The following F8 variants were observed in gnomAD, a reference collection of about 807,000 sequenced individuals.
F8 encodes coagulation factor VIII.
F8 carries 12 observed loss-of-function variants against 140.6 expected under a neutral mutation model. The observed-to-expected ratio is 0.09, with a 90% CI of 0.05 to 0.14. The LOEUF is 0.14. Among genes scored for constraint, F8 ranks in the 10% least tolerant of loss-of-function variants. F8 has a pLI of 1.00. For missense variants in F8, 1,354 were observed against 1,720.7 expected (o/e 0.79, Z 3.77); for synonymous variants, 585 against 614.6 (o/e 0.95, Z 0.71).
At chrX:154,869,483 T>A (rs2072755528) in intron 22 of F8, among the ~76,000 whole-genome samples, 2 of 111,890 alleles carry the variant, frequency 1.8e-5, no homozygotes, top group African/African-American at 6.5e-5. Context: ...TATAAAGATG[T>A]TCTTTGAAAC....
rs1603435924 is a variant in F8 at position 154,981,808 on chromosome X, A to G, written c.787+2879T>C. On this transcript the variant is annotated intron_variant, in intron 6 of 25. Transcript: ENST00000360256. Reference sequence around the variant, plus strand: ...AGTGAGATTTTTTTGGAAATTTATGACAATTTGAAAAAACTGTCAGATGGA... The same window carrying G: ...AGTGAGATTTTTTTGGAAATTTATGGCAATTTGAAAAAACTGTCAGATGGA... Among the ~76,000 whole-genome samples the G allele has an allele frequency of 4.5e-5, 5 of 111,572 alleles. No individual in the cohort carries two copies. In the South Asian group the frequency reaches 1.9e-3, roughly 42 times the overall value.
At chrX:154,847,983 T>C (rs916109512) in intron 25 of F8, among the ~76,000 whole-genome samples, 17 of 113,107 alleles carry the variant, frequency 1.5e-4, no homozygotes, top group Admixed American at 9.3e-5. Context: ...GTCCTTTCTG[T>C]TTGTTAGTTT....
intron 13 of F8, among the ~76,000 whole-genome samples, chrX:154,943,512 T>G (rs1398125223): frequency 9.0e-6 from 1 of 110,996 alleles, no homozygotes; most frequent in Non-Finnish European, 1.9e-5. Flanking sequence ...CTCAAGGAAA[T>G]AAAAGAGGAT....
At chrX:154,901,161 G>A (rs1455576313) in intron 20 of F8, among the ~76,000 whole-genome samples, 1 of 111,848 alleles carries the variant, frequency 8.9e-6, no homozygotes, top group Admixed American at 9.5e-5. Context: ...ATTTAAGGAG[G>A]CAGTGTCATT....
chrX:154,944,630 GA>G (rs1421036538), intron 13 of F8, among the ~76,000 whole-genome samples: 5 of 110,888 alleles, frequency 4.5e-5, no homozygotes, highest in Non-Finnish European at 9.5e-5. Flanking sequence ...CAGGGATCTA[GA>G]ACTAGAAATA....
chrX:154,949,299 T>C (rs1442364562), intron 12 of F8, among the ~76,000 whole-genome samples: 1 of 111,689 alleles, frequency 9.0e-6, no homozygotes, highest in Admixed American at 9.5e-5. Flanking sequence ...CTTCCATCAA[T>C]TGCAGGCGAC....
chrX:154,962,779 T>C (rs140570407), intron 9 of F8, among the ~76,000 whole-genome samples: 1 of 109,970 alleles, frequency 9.1e-6, no homozygotes, highest in Non-Finnish European at 1.9e-5. Context: ...GGTGGGAGGA[T>C]CACTTCAGCC....
At chrX:154,842,588 G>T (rs782737582) in intron 25 of F8, among the ~76,000 whole-genome samples, 4 of 111,778 alleles carry the variant, frequency 3.6e-5, no homozygotes, top group African/African-American at 1.3e-4. Context: ...TGACACATGG[G>T]TTTAAAAGTA....
intron 1 of F8, among the ~76,000 whole-genome samples, chrX:155,018,783 C>A (rs1342532207): frequency 8.9e-6 from 1 of 111,762 alleles, no homozygotes; most frequent in African/African-American, 3.2e-5. Flanking sequence ...ATAGAAGAGC[C>A]TGGAGGGGTG....
In F8 at chrX:154,957,043, C is replaced by T. The variant is rs372867215; in HGVS notation, c.1666G>A (p.Val556Ile). Residue 556 changes from valine to isoleucine, a missense_variant, in exon 11 of 26, where the codon GTT (valine) becomes ATT (isoleucine). Coordinates refer to ENST00000360256, the MANE Select transcript of F8 (RefSeq NM_000132.4). ...RCLTRYYSSFVNMERDLASGL... is the reference protein window; with the variant it reads ...RCLTRYYSSFINMERDLASGL... ...GAAGCTAGATCTCTCTCCATATTAA[C>T]GAAACTAGAGTAATAGCGGGTCAGG... The T allele has an allele frequency of 3.4e-5, 41 of 1,208,528 alleles. No individual in the cohort carries two copies. Among genetic ancestry groups the T allele is most frequent in the African/African-American group, 1.4e-4 (8 of 57,001 alleles).
chrX:154,864,568 G>A (rs911192048), intron 22 of F8, among the ~76,000 whole-genome samples: 2 of 112,108 alleles, frequency 1.8e-5, no homozygotes, highest in African/African-American at 3.2e-5. Context: ...ACAGGAAGAC[G>A]ACTAACAAAA....
At chrX:154,975,111 T>A (rs1385645399) in intron 6 of F8, among the ~76,000 whole-genome samples, 1 of 111,881 alleles carries the variant, frequency 8.9e-6, no homozygotes, top group Non-Finnish European at 1.9e-5. Context: ...TTCATTCATT[T>A]CTTCTAATAA....
chrX:154,975,761 C>T (rs782723745), intron 6 of F8, among the ~76,000 whole-genome samples: 4 of 111,964 alleles, frequency 3.6e-5, no homozygotes, highest in African/African-American at 1.3e-4. Context: ...GTAGTTTTTG[C>T]CCTTACTTTT....
chrX:154,890,532 A>G lies in F8; in HGVS notation c.6429+5545T>C, dbSNP rs782313196. On this transcript the variant is annotated intron_variant, in intron 22 of 25. Transcript: ENST00000360256. ...CTCTTTCAAAACCACGTTTGGGTTT[A>G]AAACTGAGCTGATTCTTTGAAAAAT... 7.1e-5 allele frequency among the ~76,000 whole-genome samples: 8 copies of G among 112,406 alleles called. No individual in the cohort carries two copies. In the South Asian group the frequency reaches 2.9e-3, roughly 41 times the overall value.
intron 12 of F8, 38 bp downstream of exon 12, chrX:154,953,854 A>G: frequency 8.3e-7 from 1 of 1,207,490 alleles, no homozygotes. Context: ...ATTTTTCTTT[A>G]TTCACCACCC....
intron 6 of F8, among the ~76,000 whole-genome samples, chrX:154,978,336 T>C (rs2073498768): frequency 9.0e-6 from 1 of 111,553 alleles, no homozygotes; most frequent in Non-Finnish European, 1.9e-5. Context: ...CTATGATTTT[T>C]TTATTTTGTG....
chrX:154,944,525 T>G (rs2073291147), intron 13 of F8, among the ~76,000 whole-genome samples: 1 of 110,885 alleles, frequency 9.0e-6, no homozygotes, highest in Non-Finnish European at 1.9e-5. Context: ...AAACAACAGG[T>G]GCTGGAGAGG....
In F8 at chrX:154,862,272, C is replaced by T. The variant is rs782280817; in HGVS notation, c.6575-406G>A. ...TGATCTCCTGACCTCGTGATCCACC[C>T]GCCTTGGCCTCACAAAGTGCTGGGA... On this transcript the variant is annotated intron_variant, in intron 23 of 25. Transcript: ENST00000360256. Among the ~76,000 whole-genome samples, 24 of 111,535 alleles carry T rather than the reference C, an allele frequency of 2.2e-4. 1 individual carries two copies. The South Asian group carries it at 4.6e-3, about 21-fold the overall frequency.
chrX:154,909,823 A>G (rs1557276614), intron 14 of F8: 1 of 112,842 alleles, frequency 8.9e-6, no homozygotes, highest in Non-Finnish European at 1.9e-5. Context: ...TGGAATATCA[A>G]TCACTTCAAC....
Sources: gnomAD v4.1 joint callset for allele counts (sites outside exome capture counted in the v4.1 genomes callset) on GRCh38, gnomAD v4.1.1 for gene constraint, MANE v1.5 for transcripts, NCBI Gene and HGNC (gene_info 2026-07-23, HGNC 2026-07-21) for gene names.